SGCD: variants seen among roughly 807,000 people sequenced by gnomAD.
SGCD encodes delta-sarcoglycan.
A neutral mutation model predicts 36.6 loss-of-function variants in SGCD; 18 were observed. That is an observed-to-expected ratio of 0.49 (90% confidence interval 0.34 to 0.73). SGCD has a LOEUF of 0.73. Among genes scored for constraint, SGCD ranks in the 30% least tolerant of loss-of-function variants. The pLI, the probability that SGCD is intolerant of heterozygous loss-of-function variation, is 0.01. For missense variants in SGCD, 387 were observed against 346.7 expected, an observed-to-expected ratio of 1.12 and a Z score of -0.92; for synonymous variants, 133 against 130.6, an observed-to-expected ratio of 1.02 and a Z score of -0.12.
At chr5:156,475,402 A>T (rs1463009446) in intron 3 of SGCD, among the ~76,000 whole-genome samples, 1 of 152,166 alleles carries the variant, frequency 6.6e-6, no homozygotes, top group African/African-American at 2.4e-5. Context: ...GGTGTTGGGG[A>T]GGTCAGAGTC....
chr5:156,402,594 A>G (rs1180879870), intron 3 of SGCD, among the ~76,000 whole-genome samples: 1 of 152,244 alleles, frequency 6.6e-6, no homozygotes, highest in African/African-American at 2.4e-5. Flanking sequence ...CTCTAGGTGC[A>G]CATGTGCAGT....
intron 6 of SGCD, among the ~76,000 whole-genome samples, chr5:156,612,230 A>G (rs1338919365): frequency 6.6e-6 from 1 of 152,076 alleles, no homozygotes; most frequent in African/African-American, 2.4e-5. Context: ...GAAGGGAGAG[A>G]CATTTTCCTG....
intron 3 of SGCD, among the ~76,000 whole-genome samples, chr5:156,246,423 C>A (rs1405456640): frequency 6.6e-6 from 1 of 151,568 alleles, no homozygotes; most frequent in Non-Finnish European, 1.5e-5. Flanking sequence ...CAGTTAGGAA[C>A]AAAAGAATAA....
At chr5:156,459,245 T>C (rs1445541063) in intron 3 of SGCD, among the ~76,000 whole-genome samples, 2 of 152,346 alleles carry the variant, frequency 1.3e-5, no homozygotes, top group Non-Finnish European at 1.5e-5. Flanking sequence ...CTGAGACAGA[T>C]GGACATTAGA....
chr5:155,839,475 T>C, the SGCD span, among the ~76,000 whole-genome samples: 1 of 152,134 alleles, frequency 6.6e-6, no homozygotes, highest in Non-Finnish European at 1.5e-5. Flanking sequence ...GAGGAGGGTG[T>C]GTGTGACTCA....
chr5:156,760,450 AG>A lies in SGCD; in HGVS notation c.*1062del, dbSNP rs761294450. 3 of 152,206 alleles carry A rather than the reference AG, an allele frequency of 2.0e-5. No individual in the cohort carries two copies. Among genetic ancestry groups the A allele is most frequent in the Non-Finnish European group, 2.9e-5 (2 of 68,034 alleles). The allele number at this position is 152,206 out of a possible 1,614,324, so 9.4% of individuals were successfully genotyped here. A position where few individuals can be genotyped will look rare whatever the true frequency, so the allele number is the denominator to read the frequency against. ...GTCAAAACATGCCCTTTATTTTTAAAGGCATTCACAAACTCTCTGACTTTGT... is the reference window on the plus strand; with the variant it reads ...GTCAAAACATGCCCTTTATTTTTAAAGCATTCACAAACTCTCTGACTTTGT... On this transcript the variant is annotated 3_prime_UTR_variant, in exon 9 of 9. Coordinates refer to ENST00000337851, the MANE Select transcript of SGCD (RefSeq NM_000337.6).
At chr5:156,004,905 C>T (rs1225260392) in intron 1 of SGCD, among the ~76,000 whole-genome samples, 1 of 152,152 alleles carries the variant, frequency 6.6e-6, no homozygotes, top group Non-Finnish European at 1.5e-5. Context: ...AACAGTGGCA[C>T]AGACCTAAAA....
chr5:156,325,641 A>G (rs2127698662), upstream of SGCD, among the ~76,000 whole-genome samples: 1 of 152,316 alleles, frequency 6.6e-6, no homozygotes, highest in Non-Finnish European at 1.5e-5. Flanking sequence ...AAAAGAGAGC[A>G]CCAATCCCAT....
At chr5:156,288,758 A>G (rs1416447625) in intron 3 of SGCD, among the ~76,000 whole-genome samples, 1 of 152,078 alleles carries the variant, frequency 6.6e-6, no homozygotes, top group Non-Finnish European at 1.5e-5. Context: ...CATTTGTTCC[A>G]AGTAATCTGT....
At chr5:156,034,405 C>T (rs972768198) in intron 1 of SGCD, among the ~76,000 whole-genome samples, 3 of 152,168 alleles carry the variant, frequency 2.0e-5, no homozygotes, top group African/African-American at 7.2e-5. Context: ...GAAATCAGGT[C>T]ATGTAATTAG....
chr5:156,384,644 A>T (rs988101761), intron 3 of SGCD, among the ~76,000 whole-genome samples: 12 of 143,804 alleles, frequency 8.3e-5, no homozygotes, highest in Admixed American at 8.1e-4. Context: ...AGATGCAATT[A>T]AAAAACATCT....
intron 4 of SGCD, among the ~76,000 whole-genome samples, chr5:156,515,112 TTTAG>T (rs1289066372): frequency 6.6e-6 from 1 of 152,154 alleles, no homozygotes; most frequent in East Asian, 1.9e-4. Context: ...TTCAGTAGCT[TTTAG>T]TTTAAAATTT....
At chr5:156,633,211 T>C (rs909639139) in intron 6 of SGCD, among the ~76,000 whole-genome samples, 1 of 152,204 alleles carries the variant, frequency 6.6e-6, no homozygotes, top group Non-Finnish European at 1.5e-5. Flanking sequence ...TTAGTTATTA[T>C]TGTCAAGTAC....
the SGCD span, among the ~76,000 whole-genome samples, chr5:155,788,995 A>G: frequency 6.6e-6 from 1 of 152,200 alleles, no homozygotes; most frequent in African/African-American, 2.4e-5. Context: ...AAACAAGATC[A>G]TAGACTATAA....
intron 7 of SGCD, among the ~76,000 whole-genome samples, chr5:156,699,387 T>C (rs1754442533): frequency 6.6e-6 from 1 of 152,150 alleles, no homozygotes; most frequent in Admixed American, 6.5e-5. Context: ...CAACACAAAA[T>C]CAAACAAATT....
intron 3 of SGCD, among the ~76,000 whole-genome samples, chr5:156,225,817 T>TA (rs917899727): frequency 7.1e-4 from 106 of 148,332 alleles, no homozygotes; most frequent in African/African-American, 1.4e-3. Context: ...TAATAAATAT[T>TA]AAAAAAAAAA....
chr5:155,824,368 T>G, the SGCD span, among the ~76,000 whole-genome samples: 26 of 152,182 alleles, frequency 1.7e-4, no homozygotes, highest in African/African-American at 5.8e-4. Context: ...TTGCAAGGGT[T>G]AAGCACTCAA....
In SGCD at chr5:156,757,562, G is replaced by C; in HGVS notation, c.576-19G>C. ...AAAAGAAAAAGGGATCTTTATTGAC[G>C]ATCTTGGGTGTTTTTCAGGTTGGAG... On this transcript the variant is annotated intron_variant, in intron 7 of 8. Coordinates refer to ENST00000337851, the MANE Select transcript of SGCD (RefSeq NM_000337.6). 1 of 1,480,774 alleles carries C rather than the reference G, an allele frequency of 6.8e-7. No homozygotes were observed. Among genetic ancestry groups the C allele is most frequent in the Non-Finnish European group, 9.3e-7 (1 of 1,072,460 alleles). The allele number at this position is 1,480,774 out of a possible 1,614,324, so 91.7% of individuals were successfully genotyped here.
At chr5:156,556,535 T>C (rs1174384041) in intron 4 of SGCD, among the ~76,000 whole-genome samples, 1 of 152,180 alleles carries the variant, frequency 6.6e-6, no homozygotes, top group African/African-American at 2.4e-5. Context: ...TAACTAATGC[T>C]AATGCTGAGG....
Sources: gnomAD v4.1 joint callset for allele counts (sites outside exome capture counted in the v4.1 genomes callset) on GRCh38, gnomAD v4.1.1 for gene constraint, MANE v1.5 for transcripts, NCBI Gene and HGNC (gene_info 2026-07-23, HGNC 2026-07-21) for gene names.